Variants in GPR137C observed in about 807,000 individuals in gnomAD.
The protein encoded by GPR137C is G protein-coupled receptor 137C.
GPR137C carries 27 observed loss-of-function variants against 43.4 expected under a neutral mutation model. The observed-to-expected ratio is 0.62, with a 90% CI of 0.46 to 0.86. GPR137C has a LOEUF of 0.86. Ranked by LOEUF, GPR137C falls within the 40% of genes least tolerant of loss-of-function variation. The pLI, the probability that GPR137C is intolerant of heterozygous loss-of-function variation, is 0.00. For missense variants in GPR137C, 522 were observed against 534.6 expected (o/e 0.98, Z 0.23); for synonymous variants, 285 against 226.9 (o/e 1.26, Z -2.30).
chr14:52,553,175 GCCGCTGCCGCCC>G lies in GPR137C; in HGVS notation c.33_44del (p.Ala13_Ala16del), dbSNP rs2038109310. The G allele has an allele frequency of 1.7e-6, 2 of 1,183,918 alleles. No individual in the cohort carries two copies. Among genetic ancestry groups the G allele is most frequent in the South Asian group, 8.4e-5 (2 of 23,930 alleles). 73.3% of individuals were successfully genotyped at this position (1,183,918 alleles called of 1,614,324 possible). A position where few individuals can be genotyped will look rare whatever the true frequency, so the allele number is the denominator to read the frequency against. Reference sequence around the variant, plus strand: ...GAGGGTGTCCGTGCCGGGTCCGGCGGCCGCTGCCGCCCCCGCAGCCGGCCGCGAGCCCTCCAC... The same window carrying G: ...GAGGGTGTCCGTGCCGGGTCCGGCGGCCGCAGCCGGCCGCGAGCCCTCCAC... On this transcript the variant is annotated inframe_deletion, in exon 1 of 7. Transcript: ENST00000321662.
intron 1 of GPR137C, among the ~76,000 whole-genome samples, chr14:52,588,672 A>G (rs894421528): frequency 6.6e-6 from 1 of 152,218 alleles, no homozygotes; most frequent in Admixed American, 6.5e-5. Flanking sequence ...AAAAGAGACT[A>G]AATACACATG....
intron 1 of GPR137C, among the ~76,000 whole-genome samples, chr14:52,581,846 T>C (rs552355709): frequency 5.3e-5 from 8 of 152,354 alleles, no homozygotes; most frequent in Non-Finnish European, 1.0e-4. Context: ...AGTTTCTATT[T>C]TAGATCAACA....
At chr14:52,623,583 G>A (rs530940222) in intron 3 of GPR137C, among the ~76,000 whole-genome samples, 14 of 152,162 alleles carry the variant, frequency 9.2e-5, no homozygotes, top group African/African-American at 3.1e-4. Context: ...GCTTAACTTG[G>A]ACCATGAAAC....
intron 3 of GPR137C, among the ~76,000 whole-genome samples, chr14:52,604,361 C>A (rs1211701295): frequency 1.3e-5 from 2 of 152,106 alleles, no homozygotes; most frequent in Non-Finnish European, 2.9e-5. Flanking sequence ...AGCATTTCCC[C>A]AGTGTTTTCT....
chr14:52,578,360 G>A (rs80347363), intron 1 of GPR137C, among the ~76,000 whole-genome samples: 1,559 of 152,066 alleles, frequency 0.01, 13 homozygotes, highest in Middle Eastern at 0.034. Flanking sequence ...TTTTGCATCT[G>A]TCTTCTTTCT....
chr14:52,582,835 C>T (rs752403265), intron 1 of GPR137C, among the ~76,000 whole-genome samples: 1 of 152,036 alleles, frequency 6.6e-6, no homozygotes, highest in African/African-American at 2.4e-5. Flanking sequence ...ATGAGAAAAT[C>T]ATTTCAAATC....
At chr14:52,571,384 G>A (rs2038465841) in intron 1 of GPR137C, among the ~76,000 whole-genome samples, 2 of 152,168 alleles carry the variant, frequency 1.3e-5, no homozygotes, top group African/African-American at 4.8e-5. Context: ...GGAGAAAGCA[G>A]GAAAGATCTA....
At chr14:52,625,658 C>G (rs190260430) in intron 3 of GPR137C, among the ~76,000 whole-genome samples, 1,820 of 140,854 alleles carry the variant, frequency 0.013, 28 homozygotes, top group Non-Finnish European at 0.018. Flanking sequence ...AGGTTCACAT[C>G]ATTCTCCTGC....
intron 3 of GPR137C, among the ~76,000 whole-genome samples, chr14:52,624,598 C>T (rs1015402358): frequency 1.3e-5 from 2 of 151,806 alleles, no homozygotes; most frequent in East Asian, 1.9e-4. Context: ...GTGGTATGCA[C>T]CTGTAGTCCC....
At chr14:52,571,797 T>C (rs918333179) in intron 1 of GPR137C, among the ~76,000 whole-genome samples, 8 of 151,980 alleles carry the variant, frequency 5.3e-5, no homozygotes, top group African/African-American at 1.9e-4. Context: ...CTTCAAAAAA[T>C]CAATGATTCC....
intron 1 of GPR137C, among the ~76,000 whole-genome samples, chr14:52,576,378 C>G (rs1034391306): frequency 6.6e-6 from 1 of 152,142 alleles, no homozygotes; most frequent in Non-Finnish European, 1.5e-5. Flanking sequence ...TTGATAGACA[C>G]TTAGGTTGAT....
At chr14:52,601,816 C>T (rs949840711) in intron 3 of GPR137C, among the ~76,000 whole-genome samples, 10 of 151,632 alleles carry the variant, frequency 6.6e-5, no homozygotes, top group African/African-American at 2.4e-4. Context: ...TCTCTAGATA[C>T]CTAGTGTATT....
At position 52,600,095 on chromosome 14, in the gene GPR137C, A is replaced by G; in HGVS notation, c.489-18A>G. 6.6e-7 allele frequency: 1 copy of G among 1,523,706 alleles called. No homozygotes were observed. Among genetic ancestry groups the G allele is most frequent in the Non-Finnish European group, 9.1e-7 (1 of 1,098,808 alleles). 94.4% of individuals were successfully genotyped at this position (1,523,706 alleles called of 1,614,324 possible). ...CTTATTAGTTATATAACCATCTAATATACTTTTTTTCTTTCAGAATTCTAC... is the reference window on the plus strand; with the variant it reads ...CTTATTAGTTATATAACCATCTAATGTACTTTTTTTCTTTCAGAATTCTAC... On this transcript the variant is annotated intron_variant, in intron 2 of 6. Transcript: ENST00000321662.
intron 1 of GPR137C, among the ~76,000 whole-genome samples, chr14:52,561,741 T>A (rs2038286901): frequency 6.6e-6 from 1 of 152,018 alleles, no homozygotes; most frequent in African/African-American, 2.4e-5. Context: ...TCACACTGTA[T>A]CATTTCATTT....
At chr14:52,554,508 G>T (rs1181246005) in intron 1 of GPR137C, among the ~76,000 whole-genome samples, 1 of 152,118 alleles carries the variant, frequency 6.6e-6, no homozygotes, top group African/African-American at 2.4e-5. Context: ...ATGTGTGTCA[G>T]CTTGTGGTAT....
At chr14:52,595,686 C>T (rs191101169) in intron 1 of GPR137C, among the ~76,000 whole-genome samples, 24 of 152,308 alleles carry the variant, frequency 1.6e-4, no homozygotes, top group African/African-American at 4.8e-4. Context: ...TTAAGGTCTT[C>T]TCTACACTGT....
intron 3 of GPR137C, among the ~76,000 whole-genome samples, chr14:52,604,903 T>C (rs188452911): frequency 9.2e-5 from 14 of 152,362 alleles, no homozygotes; most frequent in Admixed American, 8.5e-4. Context: ...CTGTGTTCTA[T>C]TCCACTGGTC....
At chr14:52,588,099 G>A (rs76989868) in intron 1 of GPR137C, among the ~76,000 whole-genome samples, 7,429 of 152,178 alleles carry the variant, frequency 0.049, 232 homozygotes, top group Middle Eastern at 0.071. Flanking sequence ...ACTAAATGGT[G>A]GAAAAGCACT....
At position 52,576,777 on chromosome 14, in the gene GPR137C, C is replaced by G. The variant is rs114962904; in HGVS notation, c.445-21495C>G. Among the ~76,000 whole-genome samples the G allele has an allele frequency of 3.1e-3, 474 of 152,260 alleles. 2 individuals carry two copies. The highest frequency in any genetic ancestry group is 0.011 in the African/African-American group (456 of 41,538). ...CACATGGAACATTCTCAAAAATTGA[C>G]CATATGCTGGGCCACAAGGCGAGTC... On this transcript the variant is annotated intron_variant, in intron 1 of 6. Transcript: ENST00000321662.
Sources: gnomAD v4.1 joint callset for allele counts (sites outside exome capture counted in the v4.1 genomes callset) on GRCh38, gnomAD v4.1.1 for gene constraint, MANE v1.5 for transcripts, NCBI Gene and HGNC (gene_info 2026-07-23, HGNC 2026-07-21) for gene names.